LINGO2: variants seen among roughly 807,000 people sequenced by gnomAD.
The protein encoded by LINGO2 is leucine rich repeat and Ig domain containing 2, also known as leucine-rich repeat and immunoglobulin-like domain-containing nogo receptor-interacting protein 2.
A neutral mutation model predicts 30.6 loss-of-function variants in LINGO2; 14 were observed. The observed-to-expected ratio is 0.46, with a 90% CI of 0.30 to 0.72. The LOEUF is 0.72. LINGO2 is among the 30% of genes least tolerant of loss of function. LINGO2 has a pLI of 0.07. For missense variants in LINGO2, 729 were observed against 751.7 expected, an observed-to-expected ratio of 0.97 and a Z score of 0.35; for synonymous variants, 317 against 288.5, an observed-to-expected ratio of 1.10 and a Z score of -1.00.
chr9:28,689,245 C>T, the LINGO2 span, among the ~76,000 whole-genome samples: 9 of 152,076 alleles, frequency 5.9e-5, no homozygotes, highest in African/African-American at 2.2e-4. Flanking sequence ...CTTATGACCA[C>T]CCCTAGCTAC....
intron 4 of LINGO2, among the ~76,000 whole-genome samples, chr9:28,289,825 C>G (rs568892069): frequency 6.6e-6 from 1 of 152,256 alleles, no homozygotes; most frequent in African/African-American, 2.4e-5. Context: ...ACCCCACTCT[C>G]CTGGGCACTC....
At chr9:28,440,882 C>T (rs1824162657) in intron 2 of LINGO2, among the ~76,000 whole-genome samples, 1 of 152,092 alleles carries the variant, frequency 6.6e-6, no homozygotes, top group Non-Finnish European at 1.5e-5. Context: ...ATATATAAAA[C>T]AATTTGAATG....
intron 3 of LINGO2, among the ~76,000 whole-genome samples, chr9:28,341,273 G>T (rs940704252): frequency 6.6e-6 from 1 of 152,004 alleles, no homozygotes; most frequent in Non-Finnish European, 1.5e-5. Context: ...TCTGGGAAAG[G>T]TGTTTTGGCA....
chr9:29,106,179 G>GTA, the LINGO2 span, among the ~76,000 whole-genome samples: 1 of 152,112 alleles, frequency 6.6e-6, no homozygotes, highest in Non-Finnish European at 1.5e-5. Context: ...AAATACAATA[G>GTA]TATAGTAGGT....
chr9:28,404,926 G>GTGTGTGTGTT (rs1554717019), intron 2 of LINGO2, among the ~76,000 whole-genome samples: 41,979 of 150,776 alleles, frequency 0.28, 6,707 homozygotes, highest in Admixed American at 0.39. Context: ...GTGTGTGTGT[G>GTGTGTGTGTT]TAAAATTCCA....
chr9:28,527,149 ATCT>A (rs890183096), intron 1 of LINGO2, among the ~76,000 whole-genome samples: 8 of 152,130 alleles, frequency 5.3e-5, no homozygotes, highest in African/African-American at 1.9e-4. Flanking sequence ...ATGTAGTATA[ATCT>A]TCTCGCTGTA....
chr9:28,399,132 T>C (rs1822164769), intron 2 of LINGO2, among the ~76,000 whole-genome samples: 1 of 152,182 alleles, frequency 6.6e-6, no homozygotes, highest in South Asian at 2.1e-4. Context: ...TGCCAAAGAA[T>C]TTTTCCCAAT....
chr9:28,942,521 C>T, the LINGO2 span, among the ~76,000 whole-genome samples: 1 of 152,180 alleles, frequency 6.6e-6, no homozygotes, highest in Non-Finnish European at 1.5e-5. Flanking sequence ...TTCTTTGCCA[C>T]TAACTAGCTG....
the LINGO2 span, among the ~76,000 whole-genome samples, chr9:29,135,227 A>T: frequency 2.0e-5 from 3 of 152,136 alleles, no homozygotes; most frequent in Non-Finnish European, 4.4e-5. Flanking sequence ...CTCTTTCCCA[A>T]CATGGGGAAA....
At chr9:28,155,816 A>C (rs1461875257) in intron 4 of LINGO2, among the ~76,000 whole-genome samples, 1 of 152,186 alleles carries the variant, frequency 6.6e-6, no homozygotes, top group Non-Finnish European at 1.5e-5. Context: ...TCATTATAAA[A>C]TAGACCATAG....
intron 2 of LINGO2, among the ~76,000 whole-genome samples, chr9:28,405,588 C>T (rs1425529128): frequency 2.0e-5 from 3 of 152,126 alleles, no homozygotes; most frequent in African/African-American, 7.2e-5. Flanking sequence ...ATAATAGAAA[C>T]ACACAGACAT....
At chr9:28,126,384 T>A (rs1380675550) in intron 4 of LINGO2, among the ~76,000 whole-genome samples, 1 of 99,512 alleles carries the variant, frequency 1.0e-5, no homozygotes, top group Non-Finnish European at 2.2e-5. Flanking sequence ...TAAAAAGACA[T>A]CCTCACTGAC....
At chr9:28,631,198 T>G (rs548378294) in intron 1 of LINGO2, among the ~76,000 whole-genome samples, 1 of 152,044 alleles carries the variant, frequency 6.6e-6, no homozygotes, top group Non-Finnish European at 1.5e-5. Context: ...CTAGGGTACA[T>G]GTGCACAAGG....
At chr9:28,620,183 T>G (rs890660320) in intron 1 of LINGO2, among the ~76,000 whole-genome samples, 1 of 152,100 alleles carries the variant, frequency 6.6e-6, no homozygotes, top group African/African-American at 2.4e-5. Flanking sequence ...ATACTCTGCA[T>G]TGTTTTCTTC....
At chr9:28,880,787 G>C in the LINGO2 span, among the ~76,000 whole-genome samples, 1 of 152,158 alleles carries the variant, frequency 6.6e-6, no homozygotes, top group Non-Finnish European at 1.5e-5. Context: ...TAAGATAGGA[G>C]AAAAACCGCC....
chr9:27,954,788 C>T (rs767312785), intron 5 of LINGO2, among the ~76,000 whole-genome samples: 2 of 152,138 alleles, frequency 1.3e-5, no homozygotes, highest in Non-Finnish European at 1.5e-5. Context: ...CTGGATCATA[C>T]GAGAGTTCTA....
intron 3 of LINGO2, among the ~76,000 whole-genome samples, chr9:28,348,624 G>T: frequency 6.6e-6 from 1 of 152,188 alleles, no homozygotes; most frequent in East Asian, 1.9e-4. Flanking sequence ...CAGCCTGGAA[G>T]CTGGAACTGG....
intron 4 of LINGO2, among the ~76,000 whole-genome samples, chr9:28,013,236 T>C (rs182756220): frequency 2.0e-5 from 3 of 152,318 alleles, no homozygotes; most frequent in African/African-American, 7.2e-5. Flanking sequence ...TCTTTGTATT[T>C]CTTTTTCTTC....
chr9:28,150,049 TGAG>T (rs1411383332), intron 4 of LINGO2, among the ~76,000 whole-genome samples: 2 of 150,824 alleles, frequency 1.3e-5, no homozygotes, highest in African/African-American at 4.9e-5. Context: ...ATCTGGGAAA[TGAG>T]GAGCGCCTCT....
Sources: allele counts gnomAD v4.1 joint callset (sites outside exome capture counted in the v4.1 genomes callset), GRCh38; gene constraint gnomAD v4.1.1; transcripts MANE v1.5; gene names NCBI Gene and HGNC (gene_info 2026-07-23, HGNC 2026-07-21).